Variants in LIPJ observed in about 807,000 individuals in gnomAD.
LIPJ encodes the protein lipase family member J, also known as lipase member J.
Under a neutral mutation model 39.8 loss-of-function variants are expected in LIPJ, and 33 were observed. The ratio of observed to expected loss-of-function variants is 0.83; its 90% confidence interval spans 0.63 to 1.11. The LOEUF (loss-of-function observed/expected upper bound fraction) is 1.11. Ranked by LOEUF, LIPJ falls within the 50% of genes least tolerant of loss-of-function variation. The pLI is 0.00. For synonymous variants in LIPJ, 128 were observed against 139.2 expected, an observed-to-expected ratio of 0.92 and a Z score of 0.57; for missense variants, 422 against 427.9, an observed-to-expected ratio of 0.99 and a Z score of 0.12.
intron 9 of LIPJ, among the ~76,000 whole-genome samples, chr10:88,603,601 G>A (rs1184626387): frequency 1.3e-5 from 2 of 152,104 alleles, no homozygotes; most frequent in Non-Finnish European, 2.9e-5. Context: ...GTGACATTGA[G>A]CATCTCATTT....
Position 88,591,414 on chromosome 10 carries a change from G to T in LIPJ, c.46G>T (p.Glu16Ter). ...TTCCTACTGGGGCTACCCTGATGAA[G>T]AATATGATATTGTAACCGAAGATGG... The change falls in exon 4 of 11, where the codon GAA becomes TAA. Residue 16 changes from glutamate (E) to a stop codon, truncating the protein, a stop_gained. Transcript: ENST00000371939. LOFTEE classifies it high-confidence loss of function. The T allele has an allele frequency of 6.2e-7, 1 of 1,604,318 alleles. No individual in the cohort carries two copies. Among genetic ancestry groups the T allele is most frequent in the Non-Finnish European group, 8.5e-7 (1 of 1,173,250 alleles).
chr10:88,613,828 A>ATATATATG, the LIPJ span, among the ~76,000 whole-genome samples: 3 of 117,770 alleles, frequency 2.5e-5, no homozygotes, highest in African/African-American at 9.4e-5. Flanking sequence ...ATATATATAT[A>ATATATATG]TGTGTGTATA....
chr10:88,605,508 A>C, intron 9 of LIPJ, 125 bp from the exon 10 acceptor site: 1 of 693,630 alleles, frequency 1.4e-6, no homozygotes, highest in Non-Finnish European at 2.6e-6. Flanking sequence ...AGAACGAAGA[A>C]GCCCACCTGC....
chr10:88,606,743 TTGTTGGCTGACCC>T lies in LIPJ; in HGVS notation c.940_952del (p.Leu314LysfsTer25). The T allele has an allele frequency of 6.2e-7, 1 of 1,613,612 alleles. No individual in the cohort carries two copies. Among genetic ancestry groups the T allele is most frequent in the Non-Finnish European group, 8.5e-7 (1 of 1,179,684 alleles). ...TGCAATTTGGAATGGTAAAAGTGACTTGTTGGCTGACCCTGAAGACGTTAACATTTTACATTCT... is the reference window on the plus strand; with the variant it reads ...TGCAATTTGGAATGGTAAAAGTGACTTGAAGACGTTAACATTTTACATTCT... On this transcript the variant is annotated frameshift_variant, in exon 11 of 11. Coordinates refer to ENST00000371939, the Ensembl canonical transcript of LIPJ. LOFTEE classifies it low-confidence loss of function (END_TRUNC).
At chr10:88,602,432 A>C (rs1011113425) in intron 8 of LIPJ, 144 bp from the exon 9 acceptor site, 1 of 531,942 alleles carries the variant, frequency 1.9e-6, no homozygotes, top group Non-Finnish European at 3.2e-6. Flanking sequence ...ATTTAATTAA[A>C]ATAATTTGAT....
At chr10:88,609,205 G>A (rs1314832199), downstream of LIPJ, among the ~76,000 whole-genome samples, 1 of 152,194 alleles carries the variant, frequency 6.6e-6, no homozygotes, top group Non-Finnish European at 1.5e-5. Context: ...CATACAGATA[G>A]AGAAATAAAA....
At chr10:88,583,331 G>A, upstream of LIPJ, 2 of 1,411,668 alleles carry the variant, frequency 1.4e-6, no homozygotes, top group South Asian at 1.5e-5. Context: ...GCTTTCCTCC[G>A]GCCGGCCTGC....
At chr10:88,591,632 G>C in intron 4 of LIPJ, 134 bp downstream of exon 4, 1 of 693,182 alleles carries the variant, frequency 1.4e-6, no homozygotes, top group South Asian at 2.4e-5. Context: ...GTATCTTCTC[G>C]CATGCTACAA....
At chr10:88,612,218 G>A in the LIPJ span, among the ~76,000 whole-genome samples, 1 of 152,164 alleles carries the variant, frequency 6.6e-6, no homozygotes, top group Non-Finnish European at 1.5e-5. Context: ...AATGCTGAGA[G>A]AATCTGTCAC....
upstream of LIPJ, chr10:88,582,928 G>T (rs1271476842): frequency 2.2e-6 from 2 of 922,962 alleles, no homozygotes; most frequent in East Asian, 3.3e-5. Context: ...CGCGCCACTC[G>T]GCGCATGGGC....
chr10:88,598,777 G>A (rs542378398), intron 8 of LIPJ, among the ~76,000 whole-genome samples: 1 of 151,894 alleles, frequency 6.6e-6, no homozygotes, highest in African/African-American at 2.4e-5. Flanking sequence ...AGTGACCCAT[G>A]ATGGAAGGAA....
At chr10:88,602,335 C>T (rs1170560909) in intron 8 of LIPJ, among the ~76,000 whole-genome samples, 34 of 151,724 alleles carry the variant, frequency 2.2e-4, no homozygotes, top group Non-Finnish European at 4.4e-5. Flanking sequence ...TTGATTGTTT[C>T]CAGTAGAGTG....
chr10:88,602,642 A>G, exon 9 of LIPJ: 1 of 1,474,644 alleles, frequency 6.8e-7, no homozygotes, highest in South Asian at 1.2e-5. Context: ...GCTTCATTGG[A>G]GTCAGGTATA....
intron 2 of LIPJ, among the ~76,000 whole-genome samples, chr10:88,588,711 C>T (rs928892314): frequency 6.6e-6 from 1 of 151,802 alleles, no homozygotes; most frequent in Non-Finnish European, 1.5e-5. Flanking sequence ...TTGTGTTTAA[C>T]AGAAAAATAT....
chr10:88,598,954 A>G (rs1851355558), intron 8 of LIPJ, among the ~76,000 whole-genome samples: 1 of 144,810 alleles, frequency 6.9e-6, no homozygotes, highest in Admixed American at 7.0e-5. Flanking sequence ...TATTGTATTT[A>G]ATAATATAAT....
chr10:88,613,800 A>ATATATATATATATATATATGTGTGTG, the LIPJ span, among the ~76,000 whole-genome samples: 9 of 74,138 alleles, frequency 1.2e-4, no homozygotes, highest in Admixed American at 1.7e-4. Flanking sequence ...ATATATATAT[A>ATATATATATATATATATATGTGTGTG]TGTGTGTGTG....
intron 8 of LIPJ, 92 bp from the exon 9 acceptor site, chr10:88,602,484 T>C (rs1444646702): frequency 9.3e-6 from 7 of 752,026 alleles, no homozygotes; most frequent in Non-Finnish European, 1.4e-5. Context: ...TAAATTTTCT[T>C]GAAATAATTT....
chr10:88,606,242 A>G (rs964557489), intron 10 of LIPJ, among the ~76,000 whole-genome samples: 1 of 152,188 alleles, frequency 6.6e-6, no homozygotes, highest in East Asian at 1.9e-4. Context: ...GGCTGATGTG[A>G]TCTGTTCATA....
At chr10:88,613,241 A>G in the LIPJ span, among the ~76,000 whole-genome samples, 2 of 152,134 alleles carry the variant, frequency 1.3e-5, no homozygotes, top group African/African-American at 4.8e-5. Context: ...AGAGACCTAT[A>G]GGTGACAAAG....
Sources: allele counts gnomAD v4.1 joint callset (sites outside exome capture counted in the v4.1 genomes callset), GRCh38; gene constraint gnomAD v4.1.1; transcripts MANE v1.5; gene names NCBI Gene and HGNC (gene_info 2026-07-23, HGNC 2026-07-21).